Variants in PLA1A observed in about 807,000 individuals in gnomAD.
PLA1A encodes the protein phospholipase A1 member A, also known as phosphatidylserine-specific phospholipase A1alpha.
Under a neutral mutation model 49.4 loss-of-function variants are expected in PLA1A, and 47 were observed. The ratio of observed to expected loss-of-function variants is 0.95; its 90% CI spans 0.75 to 1.21. The LOEUF is 1.21. PLA1A is among the 50% of genes most tolerant of loss of function. PLA1A has a pLI of 0.00. For synonymous variants in PLA1A, 224 were observed against 207.9 expected (o/e 1.08, Z -0.67); for missense variants, 561 against 563.9 (o/e 0.99, Z 0.05).
intron 1 of PLA1A, among the ~76,000 whole-genome samples, chr3:119,601,212 C>G (rs1402795586): frequency 1.3e-5 from 2 of 152,200 alleles, no homozygotes; most frequent in East Asian, 3.8e-4. Flanking sequence ...AAACAAAAGC[C>G]CATGGGGGAT....
At chr3:119,624,265 G>A (rs977340799) in intron 8 of PLA1A, among the ~76,000 whole-genome samples, 2 of 152,152 alleles carry the variant, frequency 1.3e-5, no homozygotes, top group Non-Finnish European at 2.9e-5. Context: ...ACAGCAGAAC[G>A]CAGGAGGTCA....
chr3:119,616,452 G>A (rs1048058909), intron 6 of PLA1A, among the ~76,000 whole-genome samples: 2 of 152,168 alleles, frequency 1.3e-5, no homozygotes, highest in Non-Finnish European at 2.9e-5. Flanking sequence ...TTTTCAAGAT[G>A]ATCTTTTTGA....
intron 1 of PLA1A, among the ~76,000 whole-genome samples, chr3:119,603,913 A>G (rs1171665383): frequency 6.6e-6 from 1 of 152,236 alleles, no homozygotes; most frequent in Non-Finnish European, 1.5e-5. Flanking sequence ...ACAGCTCTTC[A>G]CTATGAGTTG....
At chr3:119,606,141 C>T (rs938261270) in intron 1 of PLA1A, among the ~76,000 whole-genome samples, 3 of 152,226 alleles carry the variant, frequency 2.0e-5, no homozygotes, top group Non-Finnish European at 4.4e-5. Context: ...GTGCCATGGA[C>T]TGGGTGGCTA....
rs558915041 is a variant in PLA1A at position 119,628,233 on chromosome 3, C to T, written c.1122-468C>T. Among the ~76,000 whole-genome samples the T allele has an allele frequency of 8.5e-5, 13 of 152,330 alleles. No individual in the cohort carries two copies. The South Asian group carries it at 1.9e-3, about 22-fold the overall frequency. ...GCTGGGAAGACAAACCTGGGTTCCA[C>T]CCAACTCTGTCTGCGCTTCATGATG... is the stretch of plus-strand genomic sequence containing the variant. On this transcript the variant is annotated intron_variant, in intron 9 of 10. Coordinates refer to ENST00000273371, the MANE Select transcript of PLA1A (RefSeq NM_015900.4).
At chr3:119,608,288 GAA>G (rs1484409281) in intron 2 of PLA1A, among the ~76,000 whole-genome samples, 2 of 144,834 alleles carry the variant, frequency 1.4e-5, no homozygotes, top group East Asian at 4.0e-4. Context: ...AAGAAAGAAA[GAA>G]AGAAAGAAAA....
chr3:119,616,437 A>T (rs137995843), intron 6 of PLA1A, among the ~76,000 whole-genome samples: 62 of 152,294 alleles, frequency 4.1e-4, no homozygotes, highest in African/African-American at 1.3e-3. Context: ...AGTCCTCTAA[A>T]ATTGTTTTCA....
At position 119,618,140 on chromosome 3, in the gene PLA1A, C is replaced by T. The variant is rs1368870962; in HGVS notation, c.876C>T (p.Arg292=). ...CASYKAFLAG[R]CLDCFNPFLL... ...GCTACAAGGCCTTCCTTGCTGGACG[C>T]TGTCTGGATTGCTTTAACCCTTTTC... is the stretch of plus-strand genomic sequence containing the variant. The change falls in exon 7 of 11, where the codon CGC becomes CGT. Residue 292 remains arginine (R), a synonymous_variant. Transcript: ENST00000273371. 26 of 1,614,008 alleles carry T rather than the reference C, an allele frequency of 1.6e-5. No homozygotes were observed. The highest frequency in any genetic ancestry group is 2.2e-5 in the Non-Finnish European group (26 of 1,179,980).
intron 8 of PLA1A, among the ~76,000 whole-genome samples, chr3:119,622,211 G>GA (rs879382116): frequency 0.036 from 1,360 of 38,174 alleles, 43 homozygotes; most frequent in African/African-American, 0.08. Context: ...GAAGAAGAAG[G>GA]AGACAGAATC....
In PLA1A at chr3:119,629,485, C is replaced by A. The variant is rs1354468519; in HGVS notation, c.*17C>A. The A allele has an allele frequency of 1.2e-5, 17 of 1,361,934 alleles. No homozygotes were observed. The highest frequency in any genetic ancestry group is 2.3e-5 in the East Asian group (1 of 43,538). 84.4% of individuals were successfully genotyped at this position (1,361,934 alleles called of 1,614,324 possible). On this transcript the variant is annotated 3_prime_UTR_variant, in exon 11 of 11. Transcript: ENST00000273371. Reference sequence around the variant, plus strand: ...TGTGTGTAGTTTAACCTGGGCAGGACACATCTCCCTGCATTTTTTTTTTTT... The same window carrying A: ...TGTGTGTAGTTTAACCTGGGCAGGAAACATCTCCCTGCATTTTTTTTTTTT...
chr3:119,608,399 C>T (rs965447655), intron 2 of PLA1A, among the ~76,000 whole-genome samples: 2 of 152,178 alleles, frequency 1.3e-5, no homozygotes, highest in African/African-American at 4.8e-5. Flanking sequence ...TTCTTTTCCA[C>T]AAATAACACA....
chr3:119,615,290 G>A (rs755074177), intron 5 of PLA1A, among the ~76,000 whole-genome samples: 5 of 152,112 alleles, frequency 3.3e-5, no homozygotes, highest in African/African-American at 9.7e-5. Flanking sequence ...TCTTATCTCC[G>A]CTCTGGAGCC....
chr3:119,625,154 A>G lies in PLA1A; in HGVS notation c.1043A>G (p.Lys348Arg). 1.9e-6 allele frequency: 3 copies of G among 1,613,510 alleles called. No individual in the cohort carries two copies. Among genetic ancestry groups the G allele is most frequent in the Non-Finnish European group, 2.5e-6 (3 of 1,179,462 alleles). ...MHHSLVEFHL[K>R]ELRNKDTNIE... ...CACAGCCTCGTGGAGTTTCACTTGA[A>G]GGAACTGAGAAACAAGGACACCAAC... Residue 348 changes from lysine (K) to arginine (R), a missense_variant, in exon 9 of 11, where the codon AAG becomes AGG. By Grantham distance (26) the Lys-to-Arg change is conservative (BLOSUM62 2). Coordinates refer to ENST00000273371, the MANE Select transcript of PLA1A (RefSeq NM_015900.4).
At chr3:119,622,194 AGAAGAAGAAGAAGAAGG>A (rs1440609700) in intron 8 of PLA1A, among the ~76,000 whole-genome samples, 2 of 42,482 alleles carry the variant, frequency 4.7e-5, no homozygotes, top group African/African-American at 1.4e-4. Flanking sequence ...AAGAAGAAGA[AGAAGAAGAAGAAGAAGG>A]AGACAGAATC....
chr3:119,621,457 A>G (rs1456454471), intron 8 of PLA1A, among the ~76,000 whole-genome samples: 1 of 152,202 alleles, frequency 6.6e-6, no homozygotes, highest in African/African-American at 2.4e-5. Context: ...GGTAGGGACC[A>G]GCAGCTCTCC....
rs2052600276 is a variant in PLA1A at position 119,629,710 on chromosome 3, C to T, written c.*242C>T. ...TTTTAGCTTTCCCATGCATACTTAA[C>T]TGCACTTGCTTTATCTCCTTGGGCA... is the stretch of plus-strand genomic sequence containing the variant. On this transcript the variant is annotated 3_prime_UTR_variant, in exon 11 of 11. Transcript: ENST00000273371. 1 of 465,948 alleles carries T rather than the reference C, an allele frequency of 2.1e-6. No homozygotes were observed. Among genetic ancestry groups the T allele is most frequent in the Non-Finnish European group, 3.8e-6 (1 of 262,924 alleles). 28.9% of individuals were successfully genotyped at this position (465,948 alleles called of 1,614,324 possible).
chr3:119,620,716 T>A (rs1171113489), intron 8 of PLA1A, among the ~76,000 whole-genome samples: 1 of 152,226 alleles, frequency 6.6e-6, no homozygotes, highest in African/African-American at 2.4e-5. Flanking sequence ...GGGAGAAGAA[T>A]AGTTAGGGTG....
Position 119,625,200 on chromosome 3 carries a change from C to A in PLA1A, c.1089C>A (p.Ser363Arg). 6.2e-7 allele frequency: 1 copy of A among 1,612,192 alleles called. No individual in the cohort carries two copies. Among genetic ancestry groups the A allele is most frequent in the South Asian group, 1.1e-5 (1 of 91,046 alleles). The change falls in exon 9 of 11, where the codon AGC becomes AGA. Residue 363 changes from serine to arginine, a missense_variant. By Grantham distance (110) the Ser-to-Arg change is moderately radical (BLOSUM62 -1). Coordinates refer to ENST00000273371, the MANE Select transcript of PLA1A (RefSeq NM_015900.4). ...CCAACATCGAGGTTACCTTCCTTAG[C>A]AGTAACATCACCTCTTCATCTAAGA... The part of the protein sequence containing the change: ...KDTNIEVTFL[S>R]SNITSSSKIT...
chr3:119,629,001 G>A (rs962424307), intron 10 of PLA1A, 136 bp downstream of exon 10: 24 of 770,064 alleles, frequency 3.1e-5, no homozygotes, highest in Middle Eastern at 3.3e-4. Flanking sequence ...ACAGACACCC[G>A]GTGTTTTCCA....
Sources: gnomAD v4.1 joint callset for allele counts (sites outside exome capture counted in the v4.1 genomes callset) on GRCh38, gnomAD v4.1.1 for gene constraint, MANE v1.5 for transcripts, NCBI Gene and HGNC (gene_info 2026-07-23, HGNC 2026-07-21) for gene names.